ZMYM4: variants seen among roughly 807,000 people sequenced by gnomAD.
ZMYM4 encodes zinc finger MYM-type containing 4, also known as zinc finger MYM-type protein 4.
Under a neutral mutation model 183.2 loss-of-function variants are expected in ZMYM4, and 31 were observed. The ratio of observed to expected loss-of-function variants is 0.17; its 90% CI spans 0.13 to 0.23. The LOEUF (loss-of-function observed/expected upper bound fraction) is 0.23. Among genes scored for constraint, ZMYM4 ranks in the 10% least tolerant of loss-of-function variants. ZMYM4 has a pLI of 1.00. For missense variants in ZMYM4, 1,273 were observed against 1,840.3 expected (o/e 0.69, Z 5.64); for synonymous variants, 592 against 631.2 (o/e 0.94, Z 0.93).
chr1:35,295,460 T>A (rs1640960685), intron 1 of ZMYM4, among the ~76,000 whole-genome samples: 1 of 152,064 alleles, frequency 6.6e-6, no homozygotes, highest in Non-Finnish European at 1.5e-5. Flanking sequence ...GAATAACAGG[T>A]TATAGATAAT....
At chr1:35,388,262 T>C (rs1570500405) in intron 13 of ZMYM4, among the ~76,000 whole-genome samples, 2 of 152,356 alleles carry the variant, frequency 1.3e-5, no homozygotes, top group East Asian at 1.9e-4. Context: ...TGGAATGCCA[T>C]GGAGCGATCT....
chr1:35,328,402 A>G (rs959822230), intron 2 of ZMYM4, among the ~76,000 whole-genome samples: 1 of 151,526 alleles, frequency 6.6e-6, no homozygotes, highest in Non-Finnish European at 1.5e-5. Context: ...CCATCTCAGC[A>G]TCCAAGTAGC....
intron 5 of ZMYM4, among the ~76,000 whole-genome samples, chr1:35,364,440 G>A (rs974936291): frequency 1.3e-5 from 2 of 152,184 alleles, no homozygotes; most frequent in Non-Finnish European, 2.9e-5. Flanking sequence ...AACTAGATAT[G>A]TGATTCTTTC....
intron 27 of ZMYM4, among the ~76,000 whole-genome samples, chr1:35,414,893 A>G (rs936347422): frequency 1.3e-5 from 2 of 151,990 alleles, no homozygotes; most frequent in Admixed American, 6.6e-5. Context: ...CAAAAAATAA[A>G]AAAAATTAGC....
intron 23 of ZMYM4, among the ~76,000 whole-genome samples, chr1:35,402,344 A>G (rs1305377670): frequency 1.3e-5 from 2 of 152,156 alleles, no homozygotes; most frequent in Non-Finnish European, 1.5e-5. Flanking sequence ...CACTGAGCAC[A>G]ATGACTCACA....
At chr1:35,371,408 G>A (rs763377015) in intron 7 of ZMYM4, among the ~76,000 whole-genome samples, 1 of 152,000 alleles carries the variant, frequency 6.6e-6, no homozygotes, top group Non-Finnish European at 1.5e-5. Context: ...GAGCTACCGC[G>A]CTTGGCCTAT....
At chr1:35,353,570 TCA>T (rs1180106307) in intron 2 of ZMYM4, among the ~76,000 whole-genome samples, 3 of 152,178 alleles carry the variant, frequency 2.0e-5, no homozygotes, top group Non-Finnish European at 4.4e-5. Context: ...CCAAGCATAC[TCA>T]CAGTGTCTAA....
At chr1:35,350,845 A>G in intron 2 of ZMYM4, 1 of 560,012 alleles carries the variant, frequency 1.8e-6, no homozygotes. Context: ...ACAGGATAAA[A>G]ATAAATACAA....
chr1:35,325,376 G>C lies in ZMYM4; in HGVS notation c.56G>C (p.Gly19Ala), dbSNP rs770890557. ...CTTTTCCAGTTTGAACAAAAAAGTG[G>C]TGCAGTTTTTGATGAAATTGTAGAG... is the stretch of plus-strand genomic sequence containing the variant. ...GPRKRFEQKSGAVFDEIVENC... is the reference protein window; with the variant it reads ...GPRKRFEQKSAAVFDEIVENC... Residue 19 changes from glycine to alanine, a missense_variant, in exon 2 of 30, where the codon GGT (glycine) becomes GCT (alanine). This residue lies in a region of ZMYM4 where 384 missense variants were observed against 465.6 expected (regional missense o/e 0.82). Transcript: ENST00000314607. 6.2e-7 allele frequency: 1 copy of C among 1,603,572 alleles called. No individual in the cohort carries two copies. The highest frequency in any genetic ancestry group is 8.5e-7 in the Non-Finnish European group (1 of 1,174,286).
chr1:35,412,034 CCA>C (rs1639926707), intron 26 of ZMYM4, among the ~76,000 whole-genome samples: 1 of 152,026 alleles, frequency 6.6e-6, no homozygotes, highest in Non-Finnish European at 1.5e-5. Flanking sequence ...CAGGCGCCCG[CCA>C]CCGCGCCCAG....
chr1:35,346,658 AAAAAAAAAAAAAG>A (rs1353392608), intron 2 of ZMYM4, among the ~76,000 whole-genome samples: 1 of 150,896 alleles, frequency 6.6e-6, no homozygotes, highest in East Asian at 1.9e-4. Context: ...CTCAAAAAAA[AAAAAAAAAAAAAG>A]AAAAAAAAAA....
chr1:35,390,444 G>T (rs1352601998), intron 15 of ZMYM4, among the ~76,000 whole-genome samples: 1 of 151,976 alleles, frequency 6.6e-6, no homozygotes, highest in Non-Finnish European at 1.5e-5. Context: ...CTGGCGAGCA[G>T]GAGTGGGGGT....
At chr1:35,367,700 G>A (rs991315745) in intron 5 of ZMYM4, among the ~76,000 whole-genome samples, 3 of 152,116 alleles carry the variant, frequency 2.0e-5, no homozygotes, top group South Asian at 2.1e-4. Context: ...TAAAGAGGTG[G>A]GCATGGTGGC....
intron 1 of ZMYM4, 146 bp downstream of exon 1, chr1:35,269,231 A>G: frequency 2.9e-6 from 2 of 678,760 alleles, no homozygotes; most frequent in Non-Finnish European, 3.8e-6. Flanking sequence ...TTGGGTCCGG[A>G]GCGCGCTGGC....
In ZMYM4 at chr1:35,361,812, C is replaced by G. The variant is rs1400730427; in HGVS notation, c.840+23C>G. 7 of 1,589,688 alleles carry G rather than the reference C, an allele frequency of 4.4e-6. No individual in the cohort carries two copies. In the Admixed American group the frequency reaches 1.1e-4, roughly 25 times the overall value. On this transcript the variant is annotated intron_variant, in intron 5 of 29. Transcript: ENST00000314607. The stretch of plus-strand genomic sequence containing the variant: ...CAAGTAAACATTTCACCTTTTTTCC[C>G]CCCTTCTTTTTGTTCCACACATTGA...
rs532890195 is a variant in ZMYM4 at position 35,332,405 on chromosome 1, T to G, written c.85+7000T>G. Among the ~76,000 whole-genome samples, 11 of 147,696 alleles carry G rather than the reference T, an allele frequency of 7.4e-5. No homozygotes were observed. In the South Asian group the frequency reaches 2.3e-3, roughly 31 times the overall value. On this transcript the variant is annotated intron_variant, in intron 2 of 29. Transcript: ENST00000314607. ...TTCAGAAAGGGTATACTGGGGATGT[T>G]TTTTTTTTTTTTTTTTCTCTCCACA...
intron 2 of ZMYM4, among the ~76,000 whole-genome samples, chr1:35,348,846 CTG>C (rs1291911547): frequency 6.6e-6 from 1 of 152,110 alleles, no homozygotes; most frequent in African/African-American, 2.4e-5. Context: ...GAAAAGTAAA[CTG>C]TTGTTTCTGT....
At chr1:35,331,797 C>CATACATAAATAA (rs138602558) in intron 2 of ZMYM4, among the ~76,000 whole-genome samples, 20 of 140,638 alleles carry the variant, frequency 1.4e-4, no homozygotes, top group African/African-American at 4.4e-4. Context: ...CTCAAAAATA[C>CATACATAAATAA]ATAAATAAAT....
At chr1:35,366,909 A>G (rs1043765477) in intron 5 of ZMYM4, among the ~76,000 whole-genome samples, 5 of 151,996 alleles carry the variant, frequency 3.3e-5, no homozygotes, top group African/African-American at 4.8e-5. Flanking sequence ...CTGTAATCAC[A>G]GCTACTCGGG....
Sources: gnomAD v4.1 joint callset for allele counts (sites outside exome capture counted in the v4.1 genomes callset) on GRCh38, gnomAD v4.1.1 for gene constraint, gnomAD v4.1.1 regional missense constraint, MANE v1.5 for transcripts, NCBI Gene and HGNC (gene_info 2026-07-23, HGNC 2026-07-21) for gene names.